PLCD1: variants seen among roughly 807,000 people sequenced by gnomAD.
The protein encoded by PLCD1 is 1-phosphatidylinositol 4,5-bisphosphate phosphodiesterase delta-1.
Under a neutral mutation model 87.4 loss-of-function variants are expected in PLCD1, and 71 were observed. The ratio of observed to expected loss-of-function variants is 0.81; its 90% CI spans 0.67 to 0.99. The LOEUF (loss-of-function observed/expected upper bound fraction) is 0.99, where lower values mean the gene tolerates loss of function less well. Among genes scored for constraint, PLCD1 ranks in the 50% least tolerant of loss-of-function variants. The probability of loss-of-function intolerance (pLI) is 0.00; values close to 1 mark genes in which losing one functional copy is unlikely to be tolerated. For synonymous variants in PLCD1, 348 were observed against 399.2 expected, an observed-to-expected ratio of 0.87 and a Z score of 1.53; for missense variants, 867 against 1,001.5, an observed-to-expected ratio of 0.87 and a Z score of 1.81.
chr3:38,017,284 G>A lies in PLCD1; in HGVS notation c.200-565C>T, dbSNP rs1041698649. Among the ~76,000 whole-genome samples, 1 of 152,144 alleles carries A rather than the reference G, an allele frequency of 6.6e-6. No homozygotes were observed. Among genetic ancestry groups the A allele is most frequent in the African/African-American group, 2.4e-5 (1 of 41,434 alleles). On this transcript the variant is annotated intron_variant, in intron 2 of 14. Transcript: ENST00000334661. The surrounding 1 kb of genome is among the most constrained non-coding windows in gnomAD (Gnocchi z 4.7). ...CCACCCTCAGTTAGCCCCAGCCCTGGGGTCTATGGGCAGAGGGCCGAAGAC... is the reference window on the plus strand; with the variant it reads ...CCACCCTCAGTTAGCCCCAGCCCTGAGGTCTATGGGCAGAGGGCCGAAGAC...
Position 38,007,826 on chromosome 3 carries a change from C to G in PLCD1, c.2218G>C (p.Gly740Arg). ...AGGGTGGCTGATGGATGCTGGTCCC[C>G]GTTCTTAGACATGAGGTGGACATGG... is the stretch of plus-strand genomic sequence containing the variant. Reference protein sequence around the residue: ...YRHVHLMSKNGDQHPSATLFV... With the variant: ...YRHVHLMSKNRDQHPSATLFV... Residue 740 changes from glycine (G) to arginine (R), a missense_variant, in exon 15 of 15, where the codon GGG becomes CGG. Coordinates refer to ENST00000334661, the MANE Select transcript of PLCD1 (RefSeq NM_006225.4). 1 of 1,614,186 alleles carries G rather than the reference C, an allele frequency of 6.2e-7. No homozygotes were observed. Among genetic ancestry groups the G allele is most frequent in the Non-Finnish European group, 8.5e-7 (1 of 1,180,020 alleles).
At chr3:38,021,934 T>C (rs920664221) in intron 1 of PLCD1, among the ~76,000 whole-genome samples, 5 of 152,266 alleles carry the variant, frequency 3.3e-5, no homozygotes, top group Admixed American at 6.5e-5. Context: ...CAGAACCCTC[T>C]GGACCACTTC....
chr3:38,024,136 C>T (rs1419189293), intron 1 of PLCD1: 2 of 558,410 alleles, frequency 3.6e-6, no homozygotes, highest in Non-Finnish European at 6.4e-6. Context: ...GAAGGGGTAA[C>T]TAATCACCCT....
At chr3:38,013,011 T>G (rs1476482971) in intron 3 of PLCD1, among the ~76,000 whole-genome samples, 1 of 151,978 alleles carries the variant, frequency 6.6e-6, no homozygotes, top group Non-Finnish European at 1.5e-5. Context: ...CACCTCAGTC[T>G]GCTAAGTAGC....
At position 38,008,071 on chromosome 3, in the gene PLCD1, A is replaced by T. The variant is rs1396446053; in HGVS notation, c.2128T>A (p.Ser710Thr). 3 of 1,614,186 alleles carry T rather than the reference A, an allele frequency of 1.9e-6. No homozygotes were observed. The South Asian group carries it at 3.3e-5, about 18-fold the overall frequency. Residue 710 changes from serine to threonine, a missense_variant, in exon 14 of 15, where the codon TCC (serine) becomes ACC (threonine). Transcript: ENST00000334661. ...TGGCCAATGAAGTCATTCTTGGAGG[A>T]GGCATCATAATCTTCCACCAAGAAG... ...IRFLVEDYDASSKNDFIGQST... is the reference protein window; with the variant it reads ...IRFLVEDYDATSKNDFIGQST...
rs1026206880 is a variant in PLCD1 at position 38,025,489 on chromosome 3, T to G, written c.34+4017A>C. Reference sequence around the variant, plus strand: ...AAGTATTTTACTTCAATTGCTCAACTAATTCATTGCGACTCAGCTTGCTGT... The same window carrying G: ...AAGTATTTTACTTCAATTGCTCAACGAATTCATTGCGACTCAGCTTGCTGT... On this transcript the variant is annotated intron_variant, in intron 1 of 14. Coordinates refer to ENST00000334661, the MANE Select transcript of PLCD1 (RefSeq NM_006225.4). The surrounding 1 kb of genome is among the most constrained non-coding windows in gnomAD (Gnocchi z 4.0). Among the ~76,000 whole-genome samples the G allele has an allele frequency of 1.3e-5, 2 of 152,154 alleles. No individual in the cohort carries two copies. Among genetic ancestry groups the G allele is most frequent in the African/African-American group, 4.8e-5 (2 of 41,428 alleles).
rs1014404703 is a variant in PLCD1 at position 38,018,932 on chromosome 3, G to A, written c.199+1256C>T. ...GGCTCACAGCCCCAAGGACCCAGCC[G>A]GCTCTCTGCAACTGGCCCTGCTCCT... On this transcript the variant is annotated intron_variant, in intron 2 of 14. Coordinates refer to ENST00000334661, the MANE Select transcript of PLCD1 (RefSeq NM_006225.4). This position sits in a 1 kb window ranked among gnomAD's most constrained non-coding sequence, Gnocchi z 5.7. 2.0e-5 allele frequency: 3 copies of A among 152,564 alleles called. No homozygotes were observed. Among genetic ancestry groups the A allele is most frequent in the Non-Finnish European group, 4.4e-5 (3 of 68,350 alleles). 9.5% of individuals were successfully genotyped at this position (152,564 alleles called of 1,614,324 possible). A position where few individuals can be genotyped will look rare whatever the true frequency, so the allele number is the denominator to read the frequency against.
Position 38,011,526 on chromosome 3 carries a change from C to T in PLCD1, c.558+18G>A. 2 of 1,614,104 alleles carry T rather than the reference C, an allele frequency of 1.2e-6. No individual in the cohort carries two copies. The highest frequency in any genetic ancestry group is 8.5e-7 in the Non-Finnish European group (1 of 1,179,962). On this transcript the variant is annotated intron_variant, in intron 4 of 14. Coordinates refer to ENST00000334661, the MANE Select transcript of PLCD1 (RefSeq NM_006225.4). Reference sequence around the variant, plus strand: ...GGCCCCATGGACAGGCAGCCCCAGCCCCCACTTCCTGCCTCACCCTGAAGA... The same window carrying T: ...GGCCCCATGGACAGGCAGCCCCAGCTCCCACTTCCTGCCTCACCCTGAAGA...
intron 1 of PLCD1, chr3:38,024,616 C>G: frequency 6.6e-7 from 1 of 1,515,962 alleles, no homozygotes; most frequent in Non-Finnish European, 8.8e-7. Flanking sequence ...GGGCGCACTT[C>G]GGAGGGGCGG....
At position 38,009,778 on chromosome 3, in the gene PLCD1, T is replaced by G; in HGVS notation, c.1321A>C (p.Lys441Gln). ...CCAGGGGGCAGGAGCCCCCCGAGCTTCTTCCCCTTCAGCAGGATCTTCCCC... is the reference window on the plus strand; with the variant it reads ...CCAGGGGGCAGGAGCCCCCCGAGCTGCTTCCCCTTCAGCAGGATCTTCCCC... The part of the protein sequence containing the change: ...LKGKILLKGK[K>Q]LGGLLPPGGE... The change falls in exon 9 of 15, where the codon AAG becomes CAG. Residue 441 changes from lysine to glutamine, a missense_variant. Coordinates refer to ENST00000334661, the MANE Select transcript of PLCD1 (RefSeq NM_006225.4). 1 of 1,613,990 alleles carries G rather than the reference T, an allele frequency of 6.2e-7. No individual in the cohort carries two copies. Among genetic ancestry groups the G allele is most frequent in the South Asian group, 1.1e-5 (1 of 91,088 alleles).
chr3:38,022,803 C>T (rs1164714021), intron 1 of PLCD1, among the ~76,000 whole-genome samples: 1 of 152,238 alleles, frequency 6.6e-6, no homozygotes, highest in East Asian at 1.9e-4. Context: ...GGACTTCCTG[C>T]CCCACCACCC....
At chr3:38,008,984 C>T (rs1559370728) in intron 11 of PLCD1, 58 bp downstream of exon 11, 1 of 1,421,470 alleles carries the variant, frequency 7.0e-7, no homozygotes, top group Non-Finnish European at 9.9e-7. Context: ...GCTCCAGGCC[C>T]CCGGCCTTGG....
In PLCD1 at chr3:38,017,567, G is replaced by C. The variant is rs947636116; in HGVS notation, c.200-848C>G. 3.9e-5 allele frequency among the ~76,000 whole-genome samples: 6 copies of C among 152,088 alleles called. No homozygotes were observed. Among genetic ancestry groups the C allele is most frequent in the Non-Finnish European group, 8.8e-5 (6 of 67,990 alleles). On this transcript the variant is annotated intron_variant, in intron 2 of 14. Transcript: ENST00000334661. The surrounding 1 kb of genome is among the most constrained non-coding windows in gnomAD (Gnocchi z 4.7). ...GAGATGCCAGGCCCTGTCTACCCCC[G>C]CTTCCAATGTGCCCTCCATGGCCTG... is the stretch of plus-strand genomic sequence containing the variant.
At chr3:38,019,961 G>A (rs1472815093) in intron 2 of PLCD1, among the ~76,000 whole-genome samples, 1 of 152,136 alleles carries the variant, frequency 6.6e-6, no homozygotes, top group Non-Finnish European at 1.5e-5. Flanking sequence ...CTCCAGTCCA[G>A]ACTAGGCTTC....
In PLCD1 at chr3:38,007,915, GA is replaced by G. The variant is rs1463457159; in HGVS notation, c.2186-58del. 8 of 1,605,330 alleles carry G rather than the reference GA, an allele frequency of 5.0e-6. No individual in the cohort carries two copies. In the East Asian group the frequency reaches 1.3e-4, roughly 27 times the overall value. On this transcript the variant is annotated intron_variant, in intron 14 of 14. Transcript: ENST00000334661. ...AGAGAGTTCTGGTCATTCGGCGGCG[GA>G]GGGGGGGTGGATGCGTCAAGGGACA...
At chr3:38,027,546 T>C (rs1700321838) in intron 1 of PLCD1, among the ~76,000 whole-genome samples, 1 of 152,226 alleles carries the variant, frequency 6.6e-6, no homozygotes, top group Non-Finnish European at 1.5e-5. Flanking sequence ...TACTTCTGCA[T>C]GCATCTGGGG....
intron 1 of PLCD1, chr3:38,024,578 G>A: frequency 6.6e-7 from 1 of 1,509,656 alleles, no homozygotes; most frequent in East Asian, 2.5e-5. Context: ...TCCAGGAATG[G>A]GAGGGAGGAG....
chr3:38,012,478 T>C (rs745789677), intron 3 of PLCD1, among the ~76,000 whole-genome samples: 18 of 151,988 alleles, frequency 1.2e-4, no homozygotes, highest in Admixed American at 9.8e-4. Context: ...TATACCCATA[T>C]ATATACAATT....
At chr3:38,028,216 T>C (rs186923940) in intron 1 of PLCD1, among the ~76,000 whole-genome samples, 1 of 152,338 alleles carries the variant, frequency 6.6e-6, no homozygotes, top group Admixed American at 6.5e-5. Context: ...CTTGCTAGTC[T>C]GGCAGGCGCA....
Sources: gnomAD v4.1 joint callset for allele counts (sites outside exome capture counted in the v4.1 genomes callset) on GRCh38, gnomAD v4.1.1 for gene constraint, Gnocchi (gnomAD v3.1) non-coding constraint, MANE v1.5 for transcripts, NCBI Gene and HGNC (gene_info 2026-07-23, HGNC 2026-07-21) for gene names.